The following MTSS2 variants were observed in gnomAD, a reference collection of about 807,000 sequenced individuals.
MTSS2 encodes protein MTSS 2.
In MTSS2, 27 loss-of-function variants were observed where a neutral mutation model predicts 67.1. The observed-to-expected ratio is 0.40, with a 90% CI of 0.30 to 0.55. The LOEUF (loss-of-function observed/expected upper bound fraction) is 0.55, where lower values mean the gene tolerates loss of function less well. Among genes scored for constraint, MTSS2 ranks in the 20% least tolerant of loss-of-function variants. The pLI, the probability that MTSS2 is intolerant of heterozygous loss-of-function variation, is 0.43. For synonymous variants in MTSS2, 624 were observed against 468.6 expected (o/e 1.33, Z -4.28); for missense variants, 1,171 against 1,067.8 (o/e 1.10, Z -1.35).
rs1245825752 is a variant in MTSS2, at chr16:70,663,914, G to C, written c.2007C>G (p.Ala669=). ...GCTTCTCCACCAGGCTGTGCCGGTT[G>C]GCCGCCAGCTGCTGCTGCTCGTCCT... ...GAEDEQQQLA[A]NRHSLVEKLG... Residue 669 remains alanine, a synonymous_variant, in exon 15 of 15, where the codon GCC becomes GCG. Transcript: ENST00000338779. The C allele has an allele frequency of 4.5e-6, 7 of 1,550,288 alleles. No homozygotes were observed. The African/African-American group carries it at 6.8e-5, about 15-fold the overall frequency.
Position 70,665,509 on chromosome 16 carries a change from G to A in MTSS2, c.1085C>T (p.Ser362Leu), listed in dbSNP as rs1380041557. The change falls in exon 12 of 15, where the codon TCG becomes TTG. Residue 362 changes from serine (S) to leucine (L), a missense_variant. By Grantham distance (145) the Ser-to-Leu change is moderately radical. Around this residue, in one of 2 missense-constraint regions of MTSS2, gnomAD observed 924 missense variants for 756.0 expected, o/e 1.22. Transcript: ENST00000338779. ...CTCGCTAACGGACTGGCAGGTTTCC[G>A]AGGCCTCGGAAGATGCAGAGCTGGA... Reference protein sequence around the residue: ...KSSSSASSEASETCQSVSECS... With the variant: ...KSSSSASSEALETCQSVSECS... The A allele has an allele frequency of 1.3e-6, 2 of 1,547,782 alleles. No homozygotes were observed. The highest frequency in any genetic ancestry group is 1.2e-5 in the South Asian group (1 of 83,978).
At chr16:70,680,917 G>GGGA in intron 2 of MTSS2, 47 bp downstream of exon 2, 1 of 1,168,276 alleles carries the variant, frequency 8.6e-7, no homozygotes, top group Non-Finnish European at 1.2e-6. Context: ...GCGGGGGGGG[G>GGGA]GCCTCTGCCT....
intron 1 of MTSS2, among the ~76,000 whole-genome samples, chr16:70,682,132 C>T (rs184191788): frequency 3.3e-5 from 5 of 152,302 alleles, no homozygotes; most frequent in African/African-American, 7.2e-5. Context: ...GGAGACAGGG[C>T]GGCTTAGGGG....
At position 70,664,666 on chromosome 16, in the gene MTSS2, TGCA is replaced by T; in HGVS notation, c.1400_1402del (p.Leu467del). On this transcript the variant is annotated inframe_deletion, in exon 14 of 15. Transcript: ENST00000338779. ...CTGCGTGCTGTAGCCGCTGGAGTAC[TGCA>T]GCGAGTCCCGGCTGCTCTTCTGGTG... 4 of 1,613,460 alleles carry T rather than the reference TGCA, an allele frequency of 2.5e-6. No homozygotes were observed. Among genetic ancestry groups the T allele is most frequent in the Non-Finnish European group, 2.5e-6 (3 of 1,179,922 alleles).
intron 11 of MTSS2, among the ~76,000 whole-genome samples, chr16:70,671,053 T>C (rs2052918289): frequency 6.6e-6 from 1 of 150,556 alleles, no homozygotes; most frequent in South Asian, 2.1e-4. Context: ...AACAGAGCAC[T>C]GCTGGCTTCA....
chr16:70,678,753 C>T (rs1341441548), intron 7 of MTSS2, among the ~76,000 whole-genome samples: 2 of 152,180 alleles, frequency 1.3e-5, no homozygotes, highest in East Asian at 1.9e-4. Context: ...GGGATGGCGC[C>T]CCTCACCTCA....
intron 3 of MTSS2, 117 bp from the exon 4 acceptor site, chr16:70,680,172 C>G: frequency 4.1e-6 from 2 of 489,320 alleles, no homozygotes; most frequent in East Asian, 1.5e-4. Context: ...CGCCCTGCCC[C>G]CGCCGAGCCG....
Position 70,678,321 on chromosome 16 carries a change from G to A in MTSS2, c.555C>T (p.Ala185=), listed in dbSNP as rs112049833. The A allele has an allele frequency of 2.5e-5, 41 of 1,612,748 alleles. No individual in the cohort carries two copies. The highest frequency in any genetic ancestry group is 2.1e-4 in the African/African-American group (16 of 75,066). The stretch of plus-strand genomic sequence containing the variant: ...GCTCCTCGATCAGCGCCCGGCGCAC[G>A]GCCTGCTTCTCCGTCTCCTCCAGCA... ...YLLLEETEKQ[A]VRRALIEERG... Residue 185 remains alanine, a synonymous_variant, in exon 8 of 15, where the codon GCC becomes GCT. Coordinates refer to ENST00000338779, the MANE Select transcript of MTSS2 (RefSeq NM_138383.3).
At chr16:70,674,698 C>G (rs1430829085) in intron 10 of MTSS2, among the ~76,000 whole-genome samples, 170 bp from the exon 11 acceptor site, 1 of 152,178 alleles carries the variant, frequency 6.6e-6, no homozygotes, top group Non-Finnish European at 1.5e-5. Context: ...GAGCTGTGTT[C>G]TGGGACGGTG....
rs368352096 is a variant in MTSS2 at position 70,677,785 on chromosome 16, C to T, written c.732+7G>A. The T allele has an allele frequency of 3.8e-5, 61 of 1,602,998 alleles. No homozygotes were observed. Among genetic ancestry groups the T allele is most frequent in the Non-Finnish European group, 5.0e-5 (59 of 1,175,600 alleles). On this transcript the variant is annotated splice_region_variant and intron_variant, in intron 9 of 14. Transcript: ENST00000338779. ...GGCCCTGGCCCTTGGCCAGAGGGCT[C>T]CCGCACCTGCTCGCTGGCGGGAGGC...
In MTSS2 at chr16:70,685,857, G is replaced by A; in HGVS notation, c.-66C>T. On this transcript the variant is annotated 5_prime_UTR_variant, in exon 1 of 15. Transcript: ENST00000338779. ...GAGCGCGGGGAGCAGCGCAAGGGAG[G>A]GGGCCAGGCCGCGCGGGCGCTCGCT... 1 of 965,420 alleles carries A rather than the reference G, an allele frequency of 1.0e-6. No homozygotes were observed. Among genetic ancestry groups the A allele is most frequent in the Non-Finnish European group, 1.3e-6 (1 of 794,746 alleles). The allele number at this position is 965,420 out of a possible 1,614,324, so 59.8% of individuals were successfully genotyped here.
chr16:70,663,025 C>CT lies in MTSS2; in HGVS notation c.*651_*652insA, dbSNP rs2052546813. ...GGGAGCCACCACAGGGCCCCCAAGA[C>CT]CCCCCCCCCCAAGCAGCCCCTGGTT... On this transcript the variant is annotated 3_prime_UTR_variant, in exon 15 of 15. Transcript: ENST00000338779. 1 of 51,874 alleles carries CT rather than the reference C, an allele frequency of 1.9e-5. No homozygotes were observed. Among genetic ancestry groups the CT allele is most frequent in the Non-Finnish European group, 6.1e-5 (1 of 16,354 alleles). The allele number at this position is 51,874 out of a possible 1,614,324, so 3.2% of individuals were successfully genotyped here.
At position 70,679,834 on chromosome 16, in the gene MTSS2, C is replaced by T. The variant is rs369575875; in HGVS notation, c.334G>A (p.Glu112Lys). The T allele has an allele frequency of 6.2e-7, 1 of 1,606,940 alleles. No homozygotes were observed. The change falls in exon 5 of 15, where the codon GAG becomes AAG. Residue 112 changes from glutamate to lysine, a missense_variant. Physicochemically the swap from Glu to Lys is moderately conservative, Grantham distance 56. Around this residue, in one of 2 missense-constraint regions of MTSS2, gnomAD observed 247 missense variants for 311.8 expected, o/e 0.79. Transcript: ENST00000338779. ...SLINPLQERI[E>K]DWKKAANQLD... is the part of the protein sequence containing the mutation. ...TGGTTGGCCGCCTTCTTCCAGTCCT[C>T]GATGCGCTCCTGCAGCGGGTTGATG...
At chr16:70,680,087 C>G in intron 3 of MTSS2, 32 bp from the exon 4 acceptor site, 1 of 1,442,864 alleles carries the variant, frequency 6.9e-7, no homozygotes, top group Non-Finnish European at 9.1e-7. Flanking sequence ...GGGAAGGGGC[C>G]CGCTGGGGCC....
chr16:70,680,061 G>A lies in MTSS2; in HGVS notation c.206-6C>T, dbSNP rs1397779883. 8.6e-6 allele frequency: 13 copies of A among 1,511,598 alleles called. No homozygotes were observed. Among genetic ancestry groups the A allele is most frequent in the Admixed American group, 4.0e-5 (2 of 49,954 alleles). The allele number at this position is 1,511,598 out of a possible 1,614,324, so 93.6% of individuals were successfully genotyped here. A position where few individuals can be genotyped will look rare whatever the true frequency, so the allele number is the denominator to read the frequency against. On this transcript the variant is annotated splice_polypyrimidine_tract_variant and splice_region_variant and intron_variant, in intron 3 of 14. Transcript: ENST00000338779. The stretch of plus-strand genomic sequence containing the variant: ...GCCGATGTCCCTCGTGGCCCCTGGC[G>A]AGGCAAGCGCGGGGTGGGAAGGGGC...
Position 70,665,318 on chromosome 16 carries a change from C to T in MTSS2, c.1128+148G>A, listed in dbSNP as rs545684292. On this transcript the variant is annotated intron_variant, in intron 12 of 14. Coordinates refer to ENST00000338779, the MANE Select transcript of MTSS2 (RefSeq NM_138383.3). ...GTGGGCAGTGACTGTAGGAAATGGC[C>T]AGGTGGCTTGTCTCTTGGGGACAGG... 4.3e-5 allele frequency: 42 copies of T among 986,082 alleles called. 1 individual carries two copies. The highest frequency in any genetic ancestry group is 6.1e-5 in the Non-Finnish European group (42 of 683,136). 61.1% of individuals were successfully genotyped at this position (986,082 alleles called of 1,614,324 possible).
rs1274910670 is a variant in MTSS2, at chr16:70,679,635, C to T, written c.452G>A (p.Arg151His). ...SDTLKLQKKA[R>H]KELLGKGDLQ... ...GGGGCCGCGCCAGGCACTACCTTTG[C>T]GCGCCTTCTTCTGCAGCTTCAGCGT... The change falls in exon 6 of 15, where the codon CGC (arginine) becomes CAC (histidine). Residue 151 changes from arginine (R) to histidine (H), a missense_variant. By Grantham distance (29) the Arg-to-His change is conservative. Transcript: ENST00000338779. 1.2e-6 allele frequency: 2 copies of T among 1,603,424 alleles called. No individual in the cohort carries two copies. The highest frequency in any genetic ancestry group is 8.5e-7 in the Non-Finnish European group (1 of 1,175,306).
rs533967909 is a variant in MTSS2, at chr16:70,684,916, C to T, written c.69+807G>A. Among the ~76,000 whole-genome samples, 3 of 152,294 alleles carry T rather than the reference C, an allele frequency of 2.0e-5. No individual in the cohort carries two copies. In the South Asian group the frequency reaches 6.2e-4, roughly 32 times the overall value. ...GTCAGGGGAAGGGTCCAATAGTCTC[C>T]TTAGTGACCTTGAGCCATTTCCAGG... On this transcript the variant is annotated intron_variant, in intron 1 of 14. Coordinates refer to ENST00000338779, the MANE Select transcript of MTSS2 (RefSeq NM_138383.3).
chr16:70,665,033 G>C lies in MTSS2; in HGVS notation c.1192C>G (p.Arg398Gly). Residue 398 changes from arginine to glycine, a missense_variant, in exon 13 of 15, where the codon CGA (arginine) becomes GGA (glycine). By Grantham distance (125) the Arg-to-Gly change is moderately radical. Around this residue, in one of 2 missense-constraint regions of MTSS2, gnomAD observed 924 missense variants for 756.0 expected, o/e 1.22. Transcript: ENST00000338779. The part of the protein sequence containing the change: ...SGATLQRRKD[R>G]VELLRDTEPG... ...TCTGTGTCTCGCAGGAGCTCCACTC[G>C]GTCCTTCCTCCGCTGCAGAGTGGCG... The C allele has an allele frequency of 6.3e-7, 1 of 1,597,178 alleles. No individual in the cohort carries two copies. The highest frequency in any genetic ancestry group is 8.5e-7 in the Non-Finnish European group (1 of 1,179,480).
Sources: allele counts gnomAD v4.1 joint callset (sites outside exome capture counted in the v4.1 genomes callset), GRCh38; gene constraint gnomAD v4.1.1; regional missense constraint gnomAD v4.1.1; transcripts MANE v1.5; gene names NCBI Gene and HGNC (gene_info 2026-07-23, HGNC 2026-07-21).